Variants in DST observed in about 807,000 individuals in gnomAD.
DST encodes the protein bullous pemphigoid antigen.
Under a neutral mutation model 875.2 loss-of-function variants are expected in DST, and 253 were observed. That is an observed-to-expected ratio of 0.29 (90% CI 0.26 to 0.32). DST has a LOEUF of 0.32. Among genes scored for constraint, DST ranks in the 10% least tolerant of loss-of-function variants. The probability of loss-of-function intolerance (pLI) is 1.00; values close to 1 mark genes in which losing one functional copy is unlikely to be tolerated. For synonymous variants in DST, 3,124 were observed against 3,197.1 expected (o/e 0.98, Z 0.77); for missense variants, 8,287 against 9,111.6 (o/e 0.91, Z 3.68).
At chr6:56,569,793 T>TA in intron 54 of DST, 63 bp downstream of exon 54, 1 of 1,421,076 alleles carries the variant, frequency 7.0e-7, no homozygotes, top group South Asian at 1.2e-5. Context: ...AAACTACCAT[T>TA]AGTCTTTTAA....
intron 4 of DST, among the ~76,000 whole-genome samples, chr6:56,819,306 C>A (rs1049603559): frequency 3.9e-5 from 6 of 152,272 alleles, no homozygotes; most frequent in African/African-American, 1.4e-4. Flanking sequence ...AGTCTCTGAA[C>A]TTCCAGGGTA....
intron 15 of DST, among the ~76,000 whole-genome samples, 199 bp downstream of exon 15, chr6:56,645,667 G>C (rs1246400109): frequency 6.6e-6 from 1 of 152,060 alleles, no homozygotes; most frequent in Non-Finnish European, 1.5e-5. Flanking sequence ...CAGCCTAGCC[G>C]GTCATTTATA....
In DST at chr6:56,670,745, G is replaced by C. The variant is rs768865995; in HGVS notation, c.1110C>G (p.Leu370=). Reference sequence around the variant, plus strand: ...AACCCTCTGTTGCCTGCTGCGTCCAGAGTAGCAATCTCTCTTTTGCAGACA... The same window carrying C: ...AACCCTCTGTTGCCTGCTGCGTCCACAGTAGCAATCTCTCTTTTGCAGACA... ...EDMSAKERLL[L]WTQQATEGYA... is the part of the protein sequence containing the mutation. Residue 370 remains leucine, a synonymous_variant, in exon 10 of 104, where the codon CTC becomes CTG. Transcript: ENST00000680361. 3 of 1,610,522 alleles carry C rather than the reference G, an allele frequency of 1.9e-6. No individual in the cohort carries two copies. The highest frequency in any genetic ancestry group is 2.5e-6 in the Non-Finnish European group (3 of 1,178,214).
chr6:56,669,426 T>C (rs979343100), intron 10 of DST, among the ~76,000 whole-genome samples: 12 of 151,522 alleles, frequency 7.9e-5, no homozygotes, highest in African/African-American at 2.7e-4. Context: ...TGAAACCCCA[T>C]CTCTACTAAA....
chr6:56,524,341 C>T (rs375249547), intron 69 of DST, among the ~76,000 whole-genome samples: 4 of 152,162 alleles, frequency 2.6e-5, no homozygotes, highest in Admixed American at 2.6e-4. Context: ...ACAGTCTTTA[C>T]AGCTGGAAAT....
Position 56,606,484 on chromosome 6 carries a change from T to C in DST, c.8144A>G (p.Lys2715Arg), listed in dbSNP as rs766933959. The C allele has an allele frequency of 1.4e-5, 22 of 1,613,342 alleles. No individual in the cohort carries two copies. The highest frequency in any genetic ancestry group is 1.9e-5 in the Non-Finnish European group (22 of 1,179,594). Reference sequence around the variant, plus strand: ...AGTTTCCAGTGACTGTCCATTCACCTTATCTGAGCCAACAGGATTTAAATG... The same window carrying C: ...AGTTTCCAGTGACTGTCCATTCACCCTATCTGAGCCAACAGGATTTAAATG... ...KIHLNPVGSDKVNGQSLETGS... is the reference protein window; with the variant it reads ...KIHLNPVGSDRVNGQSLETGS... Residue 2715 changes from lysine (K) to arginine (R), a missense_variant, in exon 40 of 104, where the codon AAG becomes AGG. Around this residue, in one of 10 missense-constraint regions of DST, gnomAD observed 3,138 missense variants for 3,116.6 expected, o/e 1.01. Coordinates refer to ENST00000680361, the MANE Select transcript of DST (RefSeq NM_001374736.1).
intron 4 of DST, among the ~76,000 whole-genome samples, chr6:56,803,648 A>C (rs1191773794): frequency 6.6e-6 from 1 of 152,202 alleles, no homozygotes; most frequent in East Asian, 1.9e-4. Flanking sequence ...TGAATCTTAC[A>C]GGCAGACCAG....
chr6:56,738,211 C>T (rs1260512470), intron 4 of DST, among the ~76,000 whole-genome samples: 3 of 152,172 alleles, frequency 2.0e-5, no homozygotes, highest in African/African-American at 7.2e-5. Flanking sequence ...CTTTTCAGTG[C>T]CCCCAACTTC....
Position 56,482,725 on chromosome 6 carries a change from A to G in DST, c.21360T>C (p.Leu7120=), listed in dbSNP as rs778751983. The part of the protein sequence containing the change: ...LSTRWETVCA[L]SISKQTRLEA... ...CTAACCGTGTTTGCTTTGATATAGA[A>G]AGTGCACACACGGTCTCCCAGCGTG... The change falls in exon 89 of 104, where the codon CTT becomes CTC. Residue 7120 remains leucine, a synonymous_variant. Transcript: ENST00000680361. 6.2e-7 allele frequency: 1 copy of G among 1,613,746 alleles called. No individual in the cohort carries two copies.
intron 36 of DST, chr6:56,620,730 T>C: frequency 1.9e-6 from 3 of 1,604,956 alleles, no homozygotes; most frequent in Non-Finnish European, 2.6e-6. Flanking sequence ...AAAAGACATT[T>C]TGAAAGTGTC....
At chr6:56,706,268 CAA>C (rs1192571321) in intron 5 of DST, among the ~76,000 whole-genome samples, 1 of 149,600 alleles carries the variant, frequency 6.7e-6, no homozygotes, top group Non-Finnish European at 1.5e-5. Context: ...GGGCCGAGAT[CAA>C]GCCATTGCAC....
intron 13 of DST, among the ~76,000 whole-genome samples, chr6:56,647,506 T>A (rs1463157929): frequency 6.6e-6 from 1 of 152,164 alleles, no homozygotes; most frequent in Non-Finnish European, 1.5e-5. Context: ...TACAGTTTTT[T>A]CTATCCCAGT....
At chr6:56,462,829 T>C (rs1349229004) in intron 102 of DST, among the ~76,000 whole-genome samples, 5 of 152,226 alleles carry the variant, frequency 3.3e-5, no homozygotes, top group South Asian at 4.1e-4. Context: ...CTGGGTCAAA[T>C]TGACACTGTT....
At chr6:56,816,727 C>T (rs1274286233) in intron 4 of DST, among the ~76,000 whole-genome samples, 1 of 151,968 alleles carries the variant, frequency 6.6e-6, no homozygotes, top group Non-Finnish European at 1.5e-5. Flanking sequence ...AGTTCGCAGT[C>T]GGGTTGGTCT....
chr6:56,868,872 C>T (rs974351585), intron 3 of DST, among the ~76,000 whole-genome samples: 7 of 152,170 alleles, frequency 4.6e-5, no homozygotes, highest in African/African-American at 1.7e-4. Context: ...GTCACTACAG[C>T]ACTTCTCAAT....
chr6:56,711,082 C>T (rs1017411066), intron 5 of DST, among the ~76,000 whole-genome samples: 18 of 151,982 alleles, frequency 1.2e-4, no homozygotes, highest in African/African-American at 3.6e-4. Context: ...CTGATTCACT[C>T]CTTCACAAAG....
At chr6:56,939,100 C>T (rs970038546) in intron 2 of DST, among the ~76,000 whole-genome samples, 2 of 152,318 alleles carry the variant, frequency 1.3e-5, no homozygotes, top group South Asian at 4.1e-4. Context: ...GTGAAGTTGT[C>T]CAATAAGGAT....
intron 38 of DST, among the ~76,000 whole-genome samples, chr6:56,610,791 A>C (rs1435847647): frequency 6.6e-6 from 1 of 152,170 alleles, no homozygotes; most frequent in East Asian, 1.9e-4. Flanking sequence ...AAACTAATGT[A>C]TTGACCCTTA....
intron 15 of DST, among the ~76,000 whole-genome samples, chr6:56,644,948 G>A (rs2098933530): frequency 6.6e-6 from 1 of 152,196 alleles, no homozygotes; most frequent in African/African-American, 2.4e-5. Context: ...TCATGGTAAT[G>A]AATAAGTCTC....
Sources: gnomAD v4.1 joint callset for allele counts (sites outside exome capture counted in the v4.1 genomes callset) on GRCh38, gnomAD v4.1.1 for gene constraint, gnomAD v4.1.1 regional missense constraint, MANE v1.5 for transcripts, NCBI Gene and HGNC (gene_info 2026-07-23, HGNC 2026-07-21) for gene names.